Variants in ARHGAP31 observed in about 807,000 individuals in gnomAD.
ARHGAP31 encodes rho GTPase-activating protein 31.
ARHGAP31 carries 34 observed loss-of-function variants against 113.9 expected under a neutral mutation model. The observed-to-expected ratio is 0.30, with a 90% CI of 0.23 to 0.40. The LOEUF is 0.40. ARHGAP31 is among the 10% of genes least tolerant of loss of function. The probability of loss-of-function intolerance (pLI) is 1.00; values close to 1 mark genes in which losing one functional copy is unlikely to be tolerated. For missense variants in ARHGAP31, 1,548 were observed against 1,767.1 expected, an observed-to-expected ratio of 0.88 and a Z score of 2.22; for synonymous variants, 650 against 684.8, an observed-to-expected ratio of 0.95 and a Z score of 0.79.
At chr3:119,355,474 T>C (rs1388113109) in intron 1 of ARHGAP31, among the ~76,000 whole-genome samples, 1 of 151,900 alleles carries the variant, frequency 6.6e-6, no homozygotes, top group Admixed American at 6.6e-5. Context: ...TGTTTTCTTT[T>C]TTTTTTTTTT....
chr3:119,373,472 T>C (rs1170247933), intron 3 of ARHGAP31, among the ~76,000 whole-genome samples: 2 of 151,606 alleles, frequency 1.3e-5, no homozygotes, highest in Non-Finnish European at 2.9e-5. Context: ...TGGTTGTTTG[T>C]TTGTTTTTTG....
rs1437058141 is a variant in ARHGAP31 at position 119,415,786 on chromosome 3, C to A, written c.3857C>A (p.Pro1286His). ...ACTGCACCCTGCATGTGCGAGGGAC[C>A]TACCCTTTCTCCAGAACCAGGCTCG... ...DATAPCMCEGPTLSPEPGSSN... is the reference protein window; with the variant it reads ...DATAPCMCEGHTLSPEPGSSN... The change falls in exon 12 of 12, where the codon CCT becomes CAT. Residue 1286 changes from proline (P) to histidine (H), a missense_variant. Coordinates refer to ENST00000264245, the MANE Select transcript of ARHGAP31 (RefSeq NM_020754.4). The A allele has an allele frequency of 2.5e-6, 4 of 1,614,234 alleles. No homozygotes were observed. The Middle Eastern group carries it at 4.9e-4, about 200-fold the overall frequency.
At chr3:119,306,074 G>A (rs1366768232) in intron 1 of ARHGAP31, among the ~76,000 whole-genome samples, 1 of 152,140 alleles carries the variant, frequency 6.6e-6, no homozygotes, top group East Asian at 1.9e-4. Flanking sequence ...GAGAATTCTG[G>A]ACCTCTCTTG....
intron 1 of ARHGAP31, among the ~76,000 whole-genome samples, chr3:119,315,158 G>A (rs1576989719): frequency 6.6e-6 from 1 of 152,322 alleles, no homozygotes; most frequent in East Asian, 1.9e-4. Flanking sequence ...TTTCTCTTCT[G>A]TGTATACTGC....
intron 8 of ARHGAP31, among the ~76,000 whole-genome samples, chr3:119,394,719 CT>C (rs1218770876): frequency 6.6e-6 from 1 of 152,070 alleles, no homozygotes; most frequent in Non-Finnish European, 1.5e-5. Flanking sequence ...CTTTGGGAAG[CT>C]GAGGTGGGCA....
At chr3:119,322,902 G>A (rs1303063430) in intron 1 of ARHGAP31, 11 of 153,680 alleles carry the variant, frequency 7.2e-5, no homozygotes, top group African/African-American at 2.6e-4. Context: ...CCCTCTGCTG[G>A]GCTCCTTCCA....
chr3:119,335,444 C>T (rs1257740105), intron 1 of ARHGAP31, among the ~76,000 whole-genome samples: 1 of 152,140 alleles, frequency 6.6e-6, no homozygotes, highest in Non-Finnish European at 1.5e-5. Flanking sequence ...GAACCCTAAC[C>T]CCGGTCCTCA....
chr3:119,325,743 A>G (rs1306693792), intron 1 of ARHGAP31, among the ~76,000 whole-genome samples: 7 of 152,220 alleles, frequency 4.6e-5, no homozygotes, highest in Non-Finnish European at 1.0e-4. Context: ...GAAGAAACTC[A>G]GGGAAAGGAG....
At chr3:119,359,178 C>G (rs555616884) in intron 1 of ARHGAP31, among the ~76,000 whole-genome samples, 1 of 151,894 alleles carries the variant, frequency 6.6e-6, no homozygotes, top group East Asian at 1.9e-4. Flanking sequence ...CCACCATGCC[C>G]GGCTAGTTTT....
intron 1 of ARHGAP31, among the ~76,000 whole-genome samples, chr3:119,358,744 G>A (rs2080180060): frequency 6.6e-6 from 1 of 152,150 alleles, no homozygotes; most frequent in African/African-American, 2.4e-5. Context: ...CCGTCACAAA[G>A]GCCACATATT....
chr3:119,414,001 G>A lies in ARHGAP31; in HGVS notation c.2072G>A (p.Gly691Glu). The A allele has an allele frequency of 6.2e-7, 1 of 1,614,080 alleles. No homozygotes were observed. Among genetic ancestry groups the A allele is most frequent in the South Asian group, 1.1e-5 (1 of 91,076 alleles). The change falls in exon 12 of 12, where the codon GGG (glycine) becomes GAG (glutamate). Residue 691 changes from glycine (G) to glutamate (E), a missense_variant. Coordinates refer to ENST00000264245, the MANE Select transcript of ARHGAP31 (RefSeq NM_020754.4). ...PIQPILESSL[G>E]PFIPSEPPGS... is the part of the protein sequence containing the mutation. ...CAGCCTATTCTCGAGTCGAGTCTGGGGCCCTTTATTCCCTCAGAGCCTCCT... is the reference window on the plus strand; with the variant it reads ...CAGCCTATTCTCGAGTCGAGTCTGGAGCCCTTTATTCCCTCAGAGCCTCCT...
intron 11 of ARHGAP31, among the ~76,000 whole-genome samples, chr3:119,413,381 G>A (rs771999999): frequency 1.3e-5 from 2 of 151,996 alleles, no homozygotes; most frequent in Admixed American, 1.3e-4. Context: ...GCAGGTGTCA[G>A]GGTAAGACTT....
intron 4 of ARHGAP31, among the ~76,000 whole-genome samples, chr3:119,382,027 G>T (rs1045747642): frequency 6.7e-6 from 1 of 150,152 alleles, no homozygotes; most frequent in Non-Finnish European, 1.5e-5. Flanking sequence ...GCTCTGAGGT[G>T]CTGTGATTCT....
chr3:119,330,709 C>G (rs2079884841), intron 1 of ARHGAP31, among the ~76,000 whole-genome samples: 1 of 152,184 alleles, frequency 6.6e-6, no homozygotes, highest in African/African-American at 2.4e-5. Context: ...CAGCTAGAGC[C>G]TTCTATGGTT....
chr3:119,420,484 G>T lies in ARHGAP31; in HGVS notation c.*4220G>T, dbSNP rs1374805072. ...CCAGTACAGATAGCATAAAATTGGG[G>T]GCCACCACAGATTGGCTGGCTACTG... is the stretch of plus-strand genomic sequence containing the variant. On this transcript the variant is annotated 3_prime_UTR_variant, in exon 12 of 12. Transcript: ENST00000264245. 6.6e-6 allele frequency: 1 copy of T among 152,142 alleles called. No individual in the cohort carries two copies. Among genetic ancestry groups the T allele is most frequent in the Non-Finnish European group, 1.5e-5 (1 of 68,032 alleles). The allele number at this position is 152,142 out of a possible 1,614,324, so 9.4% of individuals were successfully genotyped here. A position where few individuals can be genotyped will look rare whatever the true frequency, so the allele number is the denominator to read the frequency against.
At chr3:119,322,835 G>C (rs902675088) in intron 1 of ARHGAP31, 1 of 153,044 alleles carries the variant, frequency 6.5e-6, no homozygotes, top group African/African-American at 2.4e-5. Flanking sequence ...GGCTCCGCCA[G>C]GGGGAGGGGG....
chr3:119,362,816 T>C (rs2080221238), intron 1 of ARHGAP31, among the ~76,000 whole-genome samples: 1 of 150,996 alleles, frequency 6.6e-6, no homozygotes, highest in Admixed American at 6.6e-5. Context: ...AGTTTTGACC[T>C]GTACGAGGTT....
intron 10 of ARHGAP31, among the ~76,000 whole-genome samples, chr3:119,406,039 A>G (rs1358597361): frequency 1.3e-5 from 2 of 152,214 alleles, no homozygotes; most frequent in African/African-American, 4.8e-5. Context: ...AATGGATTCA[A>G]TTGGAATCAC....
intron 11 of ARHGAP31, among the ~76,000 whole-genome samples, chr3:119,411,252 CATTCT>C (rs1182512451): frequency 6.6e-6 from 1 of 152,052 alleles, no homozygotes; most frequent in Non-Finnish European, 1.5e-5. Flanking sequence ...TTTAATGGGT[CATTCT>C]ATTCTGTGTG....
Sources: gnomAD v4.1 joint callset for allele counts (sites outside exome capture counted in the v4.1 genomes callset) on GRCh38, gnomAD v4.1.1 for gene constraint, MANE v1.5 for transcripts, NCBI Gene and HGNC (gene_info 2026-07-23, HGNC 2026-07-21) for gene names.